PHF19: variants seen among roughly 807,000 people sequenced by gnomAD.
PHF19 encodes the protein PHD finger protein 19.
PHF19 carries 21 observed loss-of-function variants against 79.8 expected under a neutral mutation model. That is an observed-to-expected ratio of 0.26 (90% CI 0.19 to 0.38). The LOEUF (loss-of-function observed/expected upper bound fraction) is 0.38, where lower values mean the gene tolerates loss of function less well. PHF19 is among the 10% of genes least tolerant of loss of function. The pLI is 1.00. For missense variants in PHF19, 445 were observed against 744.2 expected (o/e 0.60, Z 4.68); for synonymous variants, 273 against 296.3 (o/e 0.92, Z 0.81).
At chr9:120,863,335 T>C (rs2045593653) in intron 10 of PHF19, among the ~76,000 whole-genome samples, 1 of 151,812 alleles carries the variant, frequency 6.6e-6, no homozygotes, top group Admixed American at 6.6e-5. Context: ...CAGAGGTGTC[T>C]GGAAGAGTTT....
upstream of PHF19, among the ~76,000 whole-genome samples, chr9:120,895,960 A>G (rs1406364152): frequency 6.6e-6 from 1 of 152,060 alleles, no homozygotes; most frequent in Non-Finnish European, 1.5e-5. Context: ...GCCAAATTAT[A>G]CACTTTAAGT....
upstream of PHF19, among the ~76,000 whole-genome samples, chr9:120,879,481 C>T (rs1444619901): frequency 6.6e-6 from 1 of 152,212 alleles, no homozygotes; most frequent in African/African-American, 2.4e-5. Flanking sequence ...GACCCTCCTA[C>T]ACCATGTTTC....
chr9:120,879,703 G>A (rs1477764352), upstream of PHF19, among the ~76,000 whole-genome samples: 1 of 152,192 alleles, frequency 6.6e-6, no homozygotes, highest in Non-Finnish European at 1.5e-5. Flanking sequence ...CTCTAAATTC[G>A]AATTGAGGAA....
intron 3 of PHF19, 123 bp downstream of exon 3, chr9:120,873,856 G>T: frequency 1.5e-6 from 1 of 655,896 alleles, no homozygotes; most frequent in Non-Finnish European, 2.8e-6. Context: ...GTGGGCTTGG[G>T]GTTCATGGTC....
rs1014183746 is a variant in PHF19, at chr9:120,870,109, T to A, written c.365-164A>T. 2.0e-5 allele frequency among the ~76,000 whole-genome samples: 3 copies of A among 151,790 alleles called. No homozygotes were observed. Among genetic ancestry groups the A allele is most frequent in the Non-Finnish European group, 2.9e-5 (2 of 67,930 alleles). On this transcript the variant is annotated intron_variant, in intron 4 of 14. Coordinates refer to ENST00000373896, the MANE Select transcript of PHF19 (RefSeq NM_015651.3). The surrounding 1 kb of genome is among the most constrained non-coding windows in gnomAD (Gnocchi z 4.4). ...GTGCCCACCAAGATGGCCAAGTCAG[T>A]GTCCAGGCTGGGAACTAAATGACAG... is the stretch of plus-strand genomic sequence containing the variant.
chr9:120,879,338 C>T (rs10760118), upstream of PHF19, among the ~76,000 whole-genome samples: 99,565 of 152,074 alleles, frequency 0.65, 32,720 homozygotes, highest in South Asian at 0.8. Context: ...GAACTGGCAA[C>T]CTCGTGGAGG....
intron 1 of PHF19, among the ~76,000 whole-genome samples, chr9:120,887,797 A>G (rs995852180): frequency 1.3e-5 from 2 of 152,160 alleles, no homozygotes; most frequent in Non-Finnish European, 2.9e-5. Context: ...TATTAAATGC[A>G]TCTTCCACTT....
chr9:120,898,492 T>C (rs1464163287), upstream of PHF19, among the ~76,000 whole-genome samples: 1 of 152,248 alleles, frequency 6.6e-6, no homozygotes, highest in Non-Finnish European at 1.5e-5. Flanking sequence ...ATTGTGATAC[T>C]TGCAAGAAAA....
At chr9:120,896,491 G>A (rs541291071), upstream of PHF19, among the ~76,000 whole-genome samples, 34 of 124,330 alleles carry the variant, frequency 2.7e-4, no homozygotes, top group Admixed American at 1.9e-3. Context: ...TCGCTCTGTC[G>A]CCCAGGCTGG....
At chr9:120,876,736 G>A (rs2046071489) in intron 1 of PHF19, among the ~76,000 whole-genome samples, 1 of 152,204 alleles carries the variant, frequency 6.6e-6, no homozygotes, top group African/African-American at 2.4e-5. Flanking sequence ...CTCCTCAGTC[G>A]CTCGGACGCC....
rs2045996509 is a variant in PHF19, at chr9:120,874,671, C to T, written c.71G>A (p.Gly24Glu). Residue 24 changes from glycine to glutamate, a missense_variant, in exon 2 of 15, where the codon GGG (glycine) becomes GAG (glutamate). Gly to Glu is a moderately conservative substitution (Grantham distance 98). Transcript: ENST00000373896. This position sits in a 1 kb window ranked among gnomAD's most constrained non-coding sequence, Gnocchi z 4.5. ...GTTGTTCTTGACCTTCGCCAGGGCC[C>T]CCTTGTTGGGGAGGTGGCTGGTGGC... is the stretch of plus-strand genomic sequence containing the variant. ...YGATSHLPNK[G>E]ALAKVKNNFK... is the part of the protein sequence containing the mutation. 6.2e-7 allele frequency: 1 copy of T among 1,613,772 alleles called. No individual in the cohort carries two copies. Among genetic ancestry groups the T allele is most frequent in the African/African-American group, 1.3e-5 (1 of 75,030 alleles).
Position 120,869,140 on chromosome 9 carries a change from G to T in PHF19, c.614+42C>A. The T allele has an allele frequency of 6.4e-7, 1 of 1,572,244 alleles. No individual in the cohort carries two copies. Reference sequence around the variant, plus strand: ...GCGGTCCCTGCTGGCGATTCTTGGAGACCTGCCCTGCCGCCCGGGGGGCCC... The same window carrying T: ...GCGGTCCCTGCTGGCGATTCTTGGATACCTGCCCTGCCGCCCGGGGGGCCC... On this transcript the variant is annotated intron_variant, in intron 6 of 14. Transcript: ENST00000373896. This position sits in a 1 kb window ranked among gnomAD's most constrained non-coding sequence, Gnocchi z 5.8.
chr9:120,865,091 G>A (rs548439698), intron 9 of PHF19, among the ~76,000 whole-genome samples: 2 of 152,244 alleles, frequency 1.3e-5, no homozygotes, highest in African/African-American at 4.8e-5. Context: ...AAGCATAAAG[G>A]TTATTCTTTT....
chr9:120,881,556 A>G (rs779544186), upstream of PHF19, among the ~76,000 whole-genome samples: 11 of 152,196 alleles, frequency 7.2e-5, no homozygotes, highest in Non-Finnish European at 1.5e-4. Flanking sequence ...TGGTTGATCC[A>G]TAGTTGTTCT....
chr9:120,882,793 T>G (rs908071656), intron 1 of PHF19, among the ~76,000 whole-genome samples: 2 of 145,684 alleles, frequency 1.4e-5, no homozygotes, highest in African/African-American at 5.1e-5. Flanking sequence ...AGTGAGCCGA[T>G]ATTGTGCCAT....
Position 120,866,765 on chromosome 9 carries a change from C to T in PHF19, c.710+105G>A. 2 of 708,352 alleles carry T rather than the reference C, an allele frequency of 2.8e-6. No individual in the cohort carries two copies. The highest frequency in any genetic ancestry group is 3.2e-5 in the South Asian group (2 of 63,296). The allele number at this position is 708,352 out of a possible 1,614,324, so 43.9% of individuals were successfully genotyped here. ...CAGGTAGGCATACATTGTCACAGACCTCCTCTTGTCTGGAGCCTGGCAGTC... is the reference window on the plus strand; with the variant it reads ...CAGGTAGGCATACATTGTCACAGACTTCCTCTTGTCTGGAGCCTGGCAGTC... On this transcript the variant is annotated intron_variant, in intron 7 of 14. Transcript: ENST00000373896. The surrounding 1 kb of genome is among the most constrained non-coding windows in gnomAD (Gnocchi z 5.2).
chr9:120,861,882 G>A (rs201372560), intron 12 of PHF19, 36 bp downstream of exon 12: 65 of 1,405,366 alleles, frequency 4.6e-5, no homozygotes, highest in East Asian at 9.1e-5. Context: ...CTGACCCTGC[G>A]TATGAAAATG....
chr9:120,877,989 C>T (rs918284534), upstream of PHF19, among the ~76,000 whole-genome samples: 7 of 152,236 alleles, frequency 4.6e-5, no homozygotes, highest in Middle Eastern at 3.4e-3. Context: ...CACAAGTTTT[C>T]CTGAAAAAGT....
At chr9:120,893,042 C>T (rs931555683) in intron 1 of PHF19, among the ~76,000 whole-genome samples, 1 of 152,202 alleles carries the variant, frequency 6.6e-6, no homozygotes, top group Non-Finnish European at 1.5e-5. Flanking sequence ...ACAATGGGGA[C>T]AATCTCAGTG....
Sources: gnomAD v4.1 joint callset for allele counts (sites outside exome capture counted in the v4.1 genomes callset) on GRCh38, gnomAD v4.1.1 for gene constraint, Gnocchi (gnomAD v3.1) non-coding constraint, MANE v1.5 for transcripts, NCBI Gene and HGNC (gene_info 2026-07-23, HGNC 2026-07-21) for gene names.